Variants in HS3ST3A1 observed in about 807,000 individuals in gnomAD.
HS3ST3A1 encodes heparan sulfate glucosamine 3-O-sulfotransferase 3A1.
In HS3ST3A1, 19 loss-of-function variants were observed where a neutral mutation model predicts 25.7. That is an observed-to-expected ratio of 0.74 (90% CI 0.52 to 1.08). The LOEUF (loss-of-function observed/expected upper bound fraction) is 1.08. Ranked by LOEUF, HS3ST3A1 falls within the 50% of genes least tolerant of loss-of-function variation. The pLI, the probability that HS3ST3A1 is intolerant of heterozygous loss-of-function variation, is 0.00. For synonymous variants in HS3ST3A1, 226 were observed against 278.6 expected, an observed-to-expected ratio of 0.81 and a Z score of 1.88; for missense variants, 459 against 594.3, an observed-to-expected ratio of 0.77 and a Z score of 2.37.
At chr17:13,529,850 A>G (rs1228283786) in intron 1 of HS3ST3A1, among the ~76,000 whole-genome samples, 2 of 151,512 alleles carry the variant, frequency 1.3e-5, no homozygotes, top group African/African-American at 4.8e-5. Context: ...GAGGATGGCT[A>G]AGCAGGTGGG....
At chr17:13,549,489 T>TCTTC (rs1373946592) in intron 1 of HS3ST3A1, among the ~76,000 whole-genome samples, 1 of 152,218 alleles carries the variant, frequency 6.6e-6, no homozygotes, top group Non-Finnish European at 1.5e-5. Flanking sequence ...CTCTGAGCTC[T>TCTTC]CTTCCTTCCT....
intron 1 of HS3ST3A1, among the ~76,000 whole-genome samples, chr17:13,522,890 T>C (rs1158239314): frequency 1.5e-5 from 2 of 134,072 alleles, no homozygotes; most frequent in African/African-American, 2.8e-5. Context: ...ACAAAGCAAG[T>C]ACAAAAGATA....
chr17:13,505,826 C>T (rs1286767587), intron 1 of HS3ST3A1, among the ~76,000 whole-genome samples: 1 of 151,846 alleles, frequency 6.6e-6, no homozygotes, highest in African/African-American at 2.4e-5. Flanking sequence ...GAGTTCGAGA[C>T]CAGCCTGACC....
At chr17:13,541,625 C>T (rs1906935273) in intron 1 of HS3ST3A1, among the ~76,000 whole-genome samples, 1 of 152,168 alleles carries the variant, frequency 6.6e-6, no homozygotes, top group Admixed American at 6.5e-5. Flanking sequence ...TTCCTAGAGA[C>T]TCTTGCTCCT....
rs8080565 is a variant in HS3ST3A1, at chr17:13,496,836, G to A, written c.600-18C>T. 103,373 of 1,606,328 alleles carry A rather than the reference G, an allele frequency of 0.064. 3,558 individuals carry two copies. Among genetic ancestry groups the A allele is most frequent in the African/African-American group, 0.09 (6,726 of 74,858 alleles). ...TCAGGTCCCTGAGAAACGCAAAAAG[G>A]CATGTCAGAGATGTGCAGAGAGAGC... is the stretch of plus-strand genomic sequence containing the variant. On this transcript the variant is annotated intron_variant, in intron 1 of 1. Transcript: ENST00000284110.
rs1905213944 is a variant in HS3ST3A1, at chr17:13,494,317, G to A, written c.*1880C>T. ...AACTGAAAAAAGGTGACCTGGATTTGGGGTTTACTTAACTTCTATAAATGG... is the reference window on the plus strand; with the variant it reads ...AACTGAAAAAAGGTGACCTGGATTTAGGGTTTACTTAACTTCTATAAATGG... On this transcript the variant is annotated 3_prime_UTR_variant, in exon 2 of 2. Transcript: ENST00000284110. 6.6e-6 allele frequency among the ~76,000 whole-genome samples: 1 copy of A among 152,134 alleles called. No individual in the cohort carries two copies.
At chr17:13,560,593 A>G (rs936912818) in intron 1 of HS3ST3A1, among the ~76,000 whole-genome samples, 3 of 152,158 alleles carry the variant, frequency 2.0e-5, no homozygotes, top group African/African-American at 7.2e-5. Flanking sequence ...TGGAATATAG[A>G]GTTTCTTTTA....
chr17:13,524,570 A>G (rs1405635577), intron 1 of HS3ST3A1, among the ~76,000 whole-genome samples: 4 of 152,062 alleles, frequency 2.6e-5, no homozygotes, highest in African/African-American at 4.8e-5. Flanking sequence ...ATATTTCTAT[A>G]TTTATTCTTG....
chr17:13,561,671 G>A (rs1415741815), intron 1 of HS3ST3A1, among the ~76,000 whole-genome samples: 1 of 152,028 alleles, frequency 6.6e-6, no homozygotes, highest in African/African-American at 2.4e-5. Context: ...GGATTACAGG[G>A]GTGAGCCACT....
At chr17:13,591,340 C>T (rs1228434565) in intron 1 of HS3ST3A1, among the ~76,000 whole-genome samples, 2 of 152,110 alleles carry the variant, frequency 1.3e-5, no homozygotes, top group Non-Finnish European at 2.9e-5. Flanking sequence ...AGCCACCGCA[C>T]CCAGCTCTGA....
rs969103774 is a variant in HS3ST3A1, at chr17:13,496,108, T to C, written c.*89A>G. The C allele has an allele frequency of 1.5e-6, 2 of 1,357,022 alleles. No individual in the cohort carries two copies. Among genetic ancestry groups the C allele is most frequent in the Non-Finnish European group, 1.9e-6 (2 of 1,026,860 alleles). 84.1% of individuals were successfully genotyped at this position (1,357,022 alleles called of 1,614,324 possible). On this transcript the variant is annotated 3_prime_UTR_variant, in exon 2 of 2. Transcript: ENST00000284110. ...TTGAAAAAAATACTGAAACATATTT[T>C]CAGCACAAATATTAAACTGTCTCTT...
At chr17:13,586,713 C>G (rs1407365478) in intron 1 of HS3ST3A1, among the ~76,000 whole-genome samples, 1 of 149,520 alleles carries the variant, frequency 6.7e-6, no homozygotes, top group South Asian at 2.2e-4. Flanking sequence ...TAAAAAAATA[C>G]AAAAAAATTA....
chr17:13,512,314 A>AAAAAAC (rs1377830679), intron 1 of HS3ST3A1, among the ~76,000 whole-genome samples: 1 of 150,822 alleles, frequency 6.6e-6, no homozygotes, highest in African/African-American at 2.5e-5. Context: ...TCAAAAAAAA[A>AAAAAAC]AAAAAAAAAA....
At chr17:13,526,751 G>A (rs965276322) in intron 1 of HS3ST3A1, among the ~76,000 whole-genome samples, 11 of 151,644 alleles carry the variant, frequency 7.3e-5, no homozygotes, top group East Asian at 3.9e-4. Context: ...AGGTTCAAGC[G>A]ATTCTCCTGC....
intron 1 of HS3ST3A1, among the ~76,000 whole-genome samples, chr17:13,511,070 C>A (rs1447439756): frequency 6.6e-6 from 1 of 152,132 alleles, no homozygotes; most frequent in East Asian, 1.9e-4. Context: ...TGCAGCTGTA[C>A]CACGTACCAC....
rs769132469 is a variant in HS3ST3A1, at chr17:13,600,658, T to C, written c.472A>G (p.Ile158Val). ...CGCGTGCCGCCCTTCTTCACTCCGA[T>C]GATGATGGCCTGCGGCAGCTGCTTG... ...GSKQLPQAII[I>V]GVKKGGTRAL... Residue 158 changes from isoleucine to valine, a missense_variant, in exon 1 of 2, where the codon ATC becomes GTC. Around this residue, in one of 3 missense-constraint regions of HS3ST3A1, gnomAD observed 346 missense variants for 303.9 expected, o/e 1.14. Transcript: ENST00000284110. 1.6e-5 allele frequency: 25 copies of C among 1,592,988 alleles called. No individual in the cohort carries two copies. Among genetic ancestry groups the C allele is most frequent in the Non-Finnish European group, 1.8e-5 (21 of 1,175,560 alleles).
At chr17:13,509,598 G>C (rs1316096077) in intron 1 of HS3ST3A1, among the ~76,000 whole-genome samples, 1 of 147,452 alleles carries the variant, frequency 6.8e-6, no homozygotes, top group Non-Finnish European at 1.5e-5. Context: ...GAGAGAGACA[G>C]AGAGAGATTG....
At chr17:13,587,413 C>T (rs1000303640) in intron 1 of HS3ST3A1, among the ~76,000 whole-genome samples, 14 of 152,210 alleles carry the variant, frequency 9.2e-5, no homozygotes, top group Admixed American at 8.5e-4. Context: ...GATATCGTGC[C>T]ACTGCACTCC....
chr17:13,530,889 C>G (rs989785411), intron 1 of HS3ST3A1, among the ~76,000 whole-genome samples: 2 of 152,186 alleles, frequency 1.3e-5, no homozygotes, highest in Admixed American at 6.5e-5. Context: ...CCCTTCCTCT[C>G]TTCCCCTGAG....
Sources: allele counts gnomAD v4.1 joint callset (sites outside exome capture counted in the v4.1 genomes callset), GRCh38; gene constraint gnomAD v4.1.1; regional missense constraint gnomAD v4.1.1; transcripts MANE v1.5; gene names NCBI Gene and HGNC (gene_info 2026-07-23, HGNC 2026-07-21).